Variants in AK5 observed in about 807,000 individuals in gnomAD.
AK5 encodes the protein adenylate kinase 5, also known as adenylate kinase isoenzyme 5.
Under a neutral mutation model 69.5 loss-of-function variants are expected in AK5, and 27 were observed. The ratio of observed to expected loss-of-function variants is 0.39; its 90% CI spans 0.29 to 0.54. The LOEUF (loss-of-function observed/expected upper bound fraction) is 0.54. AK5 is among the 20% of genes least tolerant of loss of function. The pLI is 0.71. For missense variants in AK5, 531 were observed against 700.4 expected (o/e 0.76, Z 2.73); for synonymous variants, 260 against 244.4 (o/e 1.06, Z -0.60).
In AK5 at chr1:77,482,770, C is replaced by CA. The variant is rs11350511; in HGVS notation, c.1060-532dup. ...TGGGCAACAGGGCGAGACTATGTCTCAAAAAAAAAAAAAAATGGTAGTTGC... is the reference window on the plus strand; with the variant it reads ...TGGGCAACAGGGCGAGACTATGTCTCAAAAAAAAAAAAAAAATGGTAGTTGC... On this transcript the variant is annotated intron_variant, in intron 8 of 13. Coordinates refer to ENST00000354567, the MANE Select transcript of AK5 (RefSeq NM_174858.3). 2.7e-3 allele frequency among the ~76,000 whole-genome samples: 359 copies of CA among 133,486 alleles called. 3 individuals are homozygous for CA. Among genetic ancestry groups the CA allele is most frequent in the African/African-American group, 8.4e-3 (293 of 34,734 alleles). 87.6% of individuals were successfully genotyped at this position (133,486 alleles called of 152,430 possible).
At chr1:77,556,546 T>G (rs529128451) in intron 13 of AK5, among the ~76,000 whole-genome samples, 5 of 152,304 alleles carry the variant, frequency 3.3e-5, no homozygotes, top group Admixed American at 2.6e-4. Flanking sequence ...CTAATGGACA[T>G]ACAGGATTTT....
chr1:77,336,921 T>C (rs758161585), intron 5 of AK5, among the ~76,000 whole-genome samples: 14 of 152,186 alleles, frequency 9.2e-5, no homozygotes, highest in South Asian at 4.1e-4. Flanking sequence ...AGGTTTCCAC[T>C]GAACTAGTCA....
At chr1:77,401,492 A>G (rs1649213077) in intron 6 of AK5, among the ~76,000 whole-genome samples, 1 of 152,104 alleles carries the variant, frequency 6.6e-6, no homozygotes, top group Admixed American at 6.5e-5. Flanking sequence ...ACACTGAAAC[A>G]AAACAGCCAA....
chr1:77,526,374 C>A lies in AK5; in HGVS notation c.1428+4431C>A, dbSNP rs575565526. ...TTCAGGCTTTTCCCACTTACCTTGCCCTTGAACTTAAGGTTAGAAGAGCTC... is the reference window on the plus strand; with the variant it reads ...TTCAGGCTTTTCCCACTTACCTTGCACTTGAACTTAAGGTTAGAAGAGCTC... On this transcript the variant is annotated intron_variant, in intron 12 of 13. Transcript: ENST00000354567. Among the ~76,000 whole-genome samples, 9 of 152,006 alleles carry A rather than the reference C, an allele frequency of 5.9e-5. No individual in the cohort carries two copies. The East Asian group carries it at 1.7e-3, about 29-fold the overall frequency.
intron 10 of AK5, among the ~76,000 whole-genome samples, chr1:77,507,943 A>G (rs1312321893): frequency 6.6e-6 from 1 of 152,212 alleles, no homozygotes. Context: ...CCTAGTCTTC[A>G]ATCAACATCT....
At chr1:77,521,237 G>A (rs536003547) in intron 11 of AK5, among the ~76,000 whole-genome samples, 79 of 151,900 alleles carry the variant, frequency 5.2e-4, no homozygotes, top group South Asian at 2.9e-3. Context: ...GAGTTCAAGC[G>A]ATTCTCCTGC....
rs571164432 is a variant in AK5 at position 77,458,331 on chromosome 1, C to G, written c.1060-24986C>G. Among the ~76,000 whole-genome samples, 3 of 152,250 alleles carry G rather than the reference C, an allele frequency of 2.0e-5. No individual in the cohort carries two copies. In the South Asian group the frequency reaches 6.2e-4, roughly 32 times the overall value. ...TCGCACTGCTTCTTTCATTATGTCT[C>G]CTCTCTGACAGTGACCCTCCTGTGC... is the stretch of plus-strand genomic sequence containing the variant. On this transcript the variant is annotated intron_variant, in intron 8 of 13. Transcript: ENST00000354567.
At chr1:77,369,246 G>C (rs1647075366) in intron 6 of AK5, among the ~76,000 whole-genome samples, 1 of 152,126 alleles carries the variant, frequency 6.6e-6, no homozygotes, top group Non-Finnish European at 1.5e-5. Context: ...GATAAAGCCA[G>C]GCTTCAAACC....
At chr1:77,483,790 G>A (rs1021675457) in intron 9 of AK5, among the ~76,000 whole-genome samples, 2 of 152,184 alleles carry the variant, frequency 1.3e-5, no homozygotes, top group African/African-American at 4.8e-5. Flanking sequence ...CTGCCTGGTA[G>A]TTACTATTCC....
intron 10 of AK5, among the ~76,000 whole-genome samples, chr1:77,498,650 G>A (rs1353905074): frequency 6.6e-6 from 1 of 152,130 alleles, no homozygotes; most frequent in Admixed American, 6.5e-5. Flanking sequence ...CATGCAGCAG[G>A]GCTCCTAGTG....
At chr1:77,291,050 G>T (rs1658657934) in intron 2 of AK5, among the ~76,000 whole-genome samples, 1 of 152,188 alleles carries the variant, frequency 6.6e-6, no homozygotes, top group Admixed American at 6.5e-5. Flanking sequence ...AGCTAAGTGT[G>T]TGTTAGCTAG....
At chr1:77,545,165 A>G (rs1659476778) in intron 13 of AK5, among the ~76,000 whole-genome samples, 1 of 152,190 alleles carries the variant, frequency 6.6e-6, no homozygotes, top group Admixed American at 6.5e-5. Flanking sequence ...GCCTCCCTCA[A>G]GTAACCAATG....
At chr1:77,479,351 A>G (rs1228281493) in intron 8 of AK5, among the ~76,000 whole-genome samples, 2 of 152,020 alleles carry the variant, frequency 1.3e-5, no homozygotes, top group East Asian at 3.9e-4. Context: ...GATTACAGGC[A>G]TGCGCCACTA....
intron 5 of AK5, among the ~76,000 whole-genome samples, chr1:77,331,899 C>A (rs1232252536): frequency 2.6e-5 from 4 of 152,050 alleles, no homozygotes; most frequent in Non-Finnish European, 5.9e-5. Flanking sequence ...ACTTTCTGTT[C>A]ATTCTTTTGT....
chr1:77,475,399 ATATATATG>A (rs1654827032), intron 8 of AK5, among the ~76,000 whole-genome samples: 2 of 18,766 alleles, frequency 1.1e-4, no homozygotes, highest in Non-Finnish European at 1.9e-4. Flanking sequence ...TATATATATA[ATATATATG>A]TATATATATA....
intron 1 of AK5, among the ~76,000 whole-genome samples, chr1:77,284,229 C>T (rs1485527754): frequency 2.7e-4 from 41 of 152,102 alleles, no homozygotes; most frequent in Non-Finnish European, 1.0e-4. Flanking sequence ...CTGTGCTATG[C>T]GCAGCTCAAG....
chr1:77,418,669 C>A (rs1650590276), intron 8 of AK5, among the ~76,000 whole-genome samples: 1 of 152,180 alleles, frequency 6.6e-6, no homozygotes, highest in South Asian at 2.1e-4. Context: ...CCAAAACTTT[C>A]TTCCGCCTCT....
intron 6 of AK5, among the ~76,000 whole-genome samples, chr1:77,403,377 T>A (rs1328456946): frequency 6.7e-6 from 1 of 149,996 alleles, no homozygotes; most frequent in Non-Finnish European, 1.5e-5. Context: ...TGCCCATGCC[T>A]ATGTCCTGAA....
At chr1:77,454,489 G>T (rs1165153821) in intron 8 of AK5, among the ~76,000 whole-genome samples, 1 of 152,006 alleles carries the variant, frequency 6.6e-6, no homozygotes, top group East Asian at 1.9e-4. Flanking sequence ...TTAATTATTT[G>T]TATTTTCATC....
Sources: allele counts gnomAD v4.1 joint callset (sites outside exome capture counted in the v4.1 genomes callset), GRCh38; gene constraint gnomAD v4.1.1; transcripts MANE v1.5; gene names NCBI Gene and HGNC (gene_info 2026-07-23, HGNC 2026-07-21).